The following ELMO1 variants were observed in gnomAD, a reference collection of about 807,000 sequenced individuals.
The protein encoded by ELMO1 is engulfment and cell motility 1.
Under a neutral mutation model 98.9 loss-of-function variants are expected in ELMO1, and 26 were observed. The observed-to-expected ratio is 0.26, with a 90% CI of 0.19 to 0.36. ELMO1 has a LOEUF of 0.36. Among genes scored for constraint, ELMO1 ranks in the 10% least tolerant of loss-of-function variants. The pLI, the probability that ELMO1 is intolerant of heterozygous loss-of-function variation, is 1.00. For synonymous variants in ELMO1, 346 were observed against 346.0 expected, an observed-to-expected ratio of 1.00 and a Z score of 0.00; for missense variants, 627 against 935.2, an observed-to-expected ratio of 0.67 and a Z score of 4.30.
At chr7:37,402,514 G>GCTA (rs948531071) in intron 1 of ELMO1, among the ~76,000 whole-genome samples, 2 of 152,114 alleles carry the variant, frequency 1.3e-5, no homozygotes, top group African/African-American at 4.8e-5. Flanking sequence ...GATGCCTGGT[G>GCTA]CTACAGCCGC....
chr7:37,265,175 T>A (rs1211571130), intron 5 of ELMO1, among the ~76,000 whole-genome samples: 1 of 152,174 alleles, frequency 6.6e-6, no homozygotes, highest in Non-Finnish European at 1.5e-5. Flanking sequence ...GCTGCTGGCA[T>A]CTCTACCCTC....
intron 14 of ELMO1, among the ~76,000 whole-genome samples, chr7:37,118,695 T>G (rs1374857963): frequency 6.6e-6 from 1 of 152,198 alleles, no homozygotes; most frequent in African/African-American, 2.4e-5. Context: ...ACTATCATCA[T>G]CAACGGGCAC....
chr7:37,089,121 A>T (rs556096824), intron 15 of ELMO1, among the ~76,000 whole-genome samples: 1 of 152,246 alleles, frequency 6.6e-6, no homozygotes, highest in Non-Finnish European at 1.5e-5. Context: ...CAAAAACACC[A>T]ATGTCCCAGA....
chr7:37,230,244 T>A (rs1290268310), intron 8 of ELMO1, among the ~76,000 whole-genome samples: 1 of 152,096 alleles, frequency 6.6e-6, no homozygotes, highest in Admixed American at 6.5e-5. Context: ...TATTGGGAAA[T>A]ACTGTTAAAT....
At chr7:37,148,842 C>T (rs1419649784) in intron 13 of ELMO1, among the ~76,000 whole-genome samples, 1 of 152,226 alleles carries the variant, frequency 6.6e-6, no homozygotes, top group Admixed American at 6.5e-5. Flanking sequence ...TCTCCCACCT[C>T]TCGTCACTTT....
chr7:37,065,524 G>A (rs1796909926), intron 15 of ELMO1, among the ~76,000 whole-genome samples: 1 of 152,058 alleles, frequency 6.6e-6, no homozygotes, highest in African/African-American at 2.4e-5. Flanking sequence ...ACTCCTTCAT[G>A]TGGTCACCCT....
chr7:37,256,877 A>G (rs535057401), intron 6 of ELMO1, among the ~76,000 whole-genome samples: 1 of 152,228 alleles, frequency 6.6e-6, no homozygotes, highest in East Asian at 1.9e-4. Context: ...CATTCTTTGT[A>G]TTACTAGGTA....
At chr7:37,168,320 C>G (rs939318930) in intron 13 of ELMO1, among the ~76,000 whole-genome samples, 1 of 152,176 alleles carries the variant, frequency 6.6e-6, no homozygotes, top group Non-Finnish European at 1.5e-5. Context: ...TCGTCTGAAG[C>G]CTTCTTCTCT....
chr7:37,082,750 G>T (rs1037920389), intron 15 of ELMO1, among the ~76,000 whole-genome samples: 1 of 144,380 alleles, frequency 6.9e-6, no homozygotes, highest in African/African-American at 2.6e-5. Context: ...CAAACAAACA[G>T]AAAAGCCCAT....
intron 14 of ELMO1, among the ~76,000 whole-genome samples, chr7:37,108,750 T>C (rs1785074561): frequency 6.6e-6 from 1 of 152,112 alleles, no homozygotes; most frequent in Non-Finnish European, 1.5e-5. Flanking sequence ...GCACATACAG[T>C]AGGTGCTCAG....
At chr7:37,120,739 G>A (rs1365392495) in intron 14 of ELMO1, among the ~76,000 whole-genome samples, 4 of 152,208 alleles carry the variant, frequency 2.6e-5, no homozygotes, top group African/African-American at 9.6e-5. Context: ...AATCTCCGCA[G>A]ACTTAAATGT....
At chr7:36,938,972 G>A (rs1786783675) in intron 16 of ELMO1, among the ~76,000 whole-genome samples, 1 of 152,052 alleles carries the variant, frequency 6.6e-6, no homozygotes, top group Non-Finnish European at 1.5e-5. Context: ...AGGCTGCAGT[G>A]AGCTATAATC....
chr7:37,068,415 C>G (rs372694487), intron 15 of ELMO1, among the ~76,000 whole-genome samples: 3 of 152,322 alleles, frequency 2.0e-5, no homozygotes, highest in African/African-American at 7.2e-5. Flanking sequence ...TCACAGTTGA[C>G]AGTGGCCAAT....
intron 20 of ELMO1, 192 bp from the exon 21 acceptor site, chr7:36,861,928 G>C (rs1802667520): frequency 1.7e-6 from 1 of 603,278 alleles, no homozygotes; most frequent in South Asian, 2.0e-5. Flanking sequence ...ATTCACGGCG[G>C]TCTGTGAACT....
intron 16 of ELMO1, among the ~76,000 whole-genome samples, chr7:36,974,127 G>T (rs562588569): frequency 1.3e-4 from 20 of 152,256 alleles, no homozygotes; most frequent in Non-Finnish European, 2.8e-4. Flanking sequence ...GAGTGTGGGC[G>T]CACAGCGCAG....
At chr7:36,902,563 T>C (rs1157990086) in intron 16 of ELMO1, among the ~76,000 whole-genome samples, 1 of 152,174 alleles carries the variant, frequency 6.6e-6, no homozygotes, top group Non-Finnish European at 1.5e-5. Context: ...AAAATAATGG[T>C]CCACAGCAGA....
intron 18 of ELMO1, among the ~76,000 whole-genome samples, chr7:36,882,903 CT>C (rs1462080284): frequency 6.6e-6 from 1 of 152,084 alleles, no homozygotes; most frequent in Non-Finnish European, 1.5e-5. Flanking sequence ...TGGGAAGTGC[CT>C]TTTTTTCATG....
chr7:37,382,896 T>C (rs1802637421), intron 1 of ELMO1, among the ~76,000 whole-genome samples: 1 of 152,204 alleles, frequency 6.6e-6, no homozygotes, highest in Non-Finnish European at 1.5e-5. Flanking sequence ...CTTTTGTCAA[T>C]CTAATTTGCA....
intron 14 of ELMO1, among the ~76,000 whole-genome samples, chr7:37,103,295 C>CT (rs1784742279): frequency 1.3e-5 from 2 of 152,074 alleles, no homozygotes; most frequent in African/African-American, 4.8e-5. Context: ...ATTAATCTTG[C>CT]TTTTTTTGGT....
Sources: allele counts gnomAD v4.1 joint callset (sites outside exome capture counted in the v4.1 genomes callset), GRCh38; gene constraint gnomAD v4.1.1; transcripts MANE v1.5; gene names NCBI Gene and HGNC (gene_info 2026-07-23, HGNC 2026-07-21).